HTR1D: variants seen among roughly 807,000 people sequenced by gnomAD.
HTR1D encodes the protein 5-hydroxytryptamine receptor 1D.
HTR1D carries 18 observed loss-of-function variants against 21.1 expected under a neutral mutation model. The ratio of observed to expected loss-of-function variants is 0.85; its 90% CI spans 0.59 to 1.27. The LOEUF is 1.27. Among genes scored for constraint, HTR1D ranks in the 50% most tolerant of loss-of-function variants. HTR1D has a pLI of 0.00. For missense variants in HTR1D, 456 were observed against 481.4 expected (o/e 0.95, Z 0.49); for synonymous variants, 196 against 204.4 (o/e 0.96, Z 0.35).
chr1:23,206,986 C>G (rs962676220), intron 1 of HTR1D, among the ~76,000 whole-genome samples: 1 of 152,176 alleles, frequency 6.6e-6, no homozygotes, highest in Non-Finnish European at 1.5e-5. Flanking sequence ...TCTGTGTGAC[C>G]TAAGATAAGT....
At chr1:23,199,841 G>C (rs994082669) in intron 1 of HTR1D, among the ~76,000 whole-genome samples, 2 of 152,024 alleles carry the variant, frequency 1.3e-5, no homozygotes, top group African/African-American at 2.4e-5. Context: ...GAGTAGCTGG[G>C]ACTACAAGCA....
Position 23,213,589 on chromosome 1 carries a change from T to C in HTR1D, c.-783+3702A>G, listed in dbSNP as rs150519563. Among the ~76,000 whole-genome samples the C allele has an allele frequency of 5.9e-4, 90 of 152,360 alleles. 2 individuals are homozygous for C. The highest frequency in any genetic ancestry group is 2.1e-3 in the African/African-American group (86 of 41,590). ...ACCTTTCACTCCCCTACACATTCTG[T>C]ATTCTCTCCCTTGTCTTCACTAAAC... On this transcript the variant is annotated intron_variant, in intron 1 of 1. Transcript: ENST00000374619.
At position 23,194,075 on chromosome 1, in the gene HTR1D, T is replaced by A. The variant is rs1409731399; in HGVS notation, c.145A>T (p.Thr49Ser). 1 of 1,614,130 alleles carries A rather than the reference T, an allele frequency of 6.2e-7. No individual in the cohort carries two copies. The highest frequency in any genetic ancestry group is 1.1e-5 in the South Asian group (1 of 91,074). The change falls in exon 2 of 2, where the codon ACA becomes TCA. Residue 49 changes from threonine to serine, a missense_variant. By Grantham distance (58) the Thr-to-Ser change is moderately conservative. Coordinates refer to ENST00000374619, the MANE Select transcript of HTR1D (RefSeq NM_000864.5). ...GCATTGGAGAGGACTGTGGCCAGTG[T>A]GATGACGGAAAGGACCACGGCAAGG... ...ISLAVVLSVI[T>S]LATVLSNAFV... is the part of the protein sequence containing the mutation.
intron 1 of HTR1D, among the ~76,000 whole-genome samples, chr1:23,213,448 C>A (rs1418946479): frequency 6.6e-6 from 1 of 151,536 alleles, no homozygotes; most frequent in Non-Finnish European, 1.5e-5. Context: ...CCATTGCACT[C>A]CAGCCTGGGC....
chr1:23,203,483 C>T (rs1644717653), intron 1 of HTR1D, among the ~76,000 whole-genome samples: 1 of 152,030 alleles, frequency 6.6e-6, no homozygotes, highest in Non-Finnish European at 1.5e-5. Context: ...ATAGCGAGAC[C>T]TCATCTCTCC....
At chr1:23,198,069 TAAAAAAA>T in intron 1 of HTR1D, among the ~76,000 whole-genome samples, 1 of 130,256 alleles carries the variant, frequency 7.7e-6, no homozygotes, top group South Asian at 2.5e-4. Flanking sequence ...TCCTGTCTCT[TAAAAAAA>T]AAAAAAAAGT....
At chr1:23,195,815 T>A (rs1644686581) in intron 1 of HTR1D, among the ~76,000 whole-genome samples, 1 of 152,052 alleles carries the variant, frequency 6.6e-6, no homozygotes, top group African/African-American at 2.4e-5. Context: ...AAACCAGTAA[T>A]TTTAAAAATC....
At chr1:23,208,625 CAAAAG>C (rs769493609) in intron 1 of HTR1D, among the ~76,000 whole-genome samples, 40 of 151,158 alleles carry the variant, frequency 2.6e-4, no homozygotes, top group East Asian at 2.0e-3. Flanking sequence ...CATGGTGTCT[CAAAAG>C]AAAAGAAAAG....
At chr1:23,205,067 G>T (rs1442229843) in intron 1 of HTR1D, among the ~76,000 whole-genome samples, 1 of 152,154 alleles carries the variant, frequency 6.6e-6, no homozygotes, top group Non-Finnish European at 1.5e-5. Flanking sequence ...GTCATAAAAA[G>T]GACTGAATTA....
At chr1:23,206,807 C>T (rs1569763830) in intron 1 of HTR1D, among the ~76,000 whole-genome samples, 1 of 152,236 alleles carries the variant, frequency 6.6e-6, no homozygotes, top group East Asian at 1.9e-4. Flanking sequence ...GTAACAGGAG[C>T]TCCTTGAGTG....
At chr1:23,206,266 G>C (rs1200456225) in intron 1 of HTR1D, among the ~76,000 whole-genome samples, 1 of 151,750 alleles carries the variant, frequency 6.6e-6, no homozygotes, top group Non-Finnish European at 1.5e-5. Flanking sequence ...TCCTGACCTC[G>C]TGATCCACCC....
At chr1:23,201,498 C>T (rs1644709016) in intron 1 of HTR1D, among the ~76,000 whole-genome samples, 1 of 152,178 alleles carries the variant, frequency 6.6e-6, no homozygotes, top group African/African-American at 2.4e-5. Flanking sequence ...AGCCAGTTTA[C>T]ACGGACACAG....
chr1:23,207,227 G>A lies in HTR1D; in HGVS notation c.-783+10064C>T, dbSNP rs547287026. On this transcript the variant is annotated intron_variant, in intron 1 of 1. Coordinates refer to ENST00000374619, the MANE Select transcript of HTR1D (RefSeq NM_000864.5). ...CAGCTGGCCAACATGGAGAAACCCC[G>A]TCTCTACTAAAAAAAAATACAAAAA... is the stretch of plus-strand genomic sequence containing the variant. Among the ~76,000 whole-genome samples the A allele has an allele frequency of 7.0e-4, 107 of 152,050 alleles. 1 individual carries two copies. Among genetic ancestry groups the A allele is most frequent in the South Asian group, 1.2e-3 (6 of 4,810 alleles).
At chr1:23,214,920 G>T (rs1352684333) in intron 1 of HTR1D, among the ~76,000 whole-genome samples, 4 of 152,130 alleles carry the variant, frequency 2.6e-5, no homozygotes, top group Non-Finnish European at 5.9e-5. Flanking sequence ...CAATGGGGTG[G>T]GTGAGATCAC....
intron 1 of HTR1D, among the ~76,000 whole-genome samples, chr1:23,208,099 G>A (rs973755861): frequency 9.2e-5 from 14 of 152,020 alleles, no homozygotes; most frequent in African/African-American, 3.4e-4. Flanking sequence ...CACTATATTC[G>A]CCCATGCTGT....
rs1434957666 is a variant in HTR1D at position 23,194,746 on chromosome 1, C to T, written c.-527G>A. ...TGGATTTAGGGTTGCTTCTGAGGAG[C>T]TTTTAAAACTAGACACAAAAAGAAG... On this transcript the variant is annotated 5_prime_UTR_variant, in exon 2 of 2. Coordinates refer to ENST00000374619, the MANE Select transcript of HTR1D (RefSeq NM_000864.5). 2.4e-5 allele frequency: 4 copies of T among 165,828 alleles called. No individual in the cohort carries two copies. The highest frequency in any genetic ancestry group is 1.5e-5 in the Non-Finnish European group (1 of 68,150). 10.3% of individuals were successfully genotyped at this position (165,828 alleles called of 1,614,324 possible).
intron 1 of HTR1D, among the ~76,000 whole-genome samples, chr1:23,206,536 T>C (rs1048594244): frequency 6.6e-6 from 1 of 152,218 alleles, no homozygotes; most frequent in Admixed American, 6.5e-5. Context: ...CTGCCTGTTC[T>C]TCTGCCAGTA....
chr1:23,216,859 C>T (rs61777102), intron 1 of HTR1D, among the ~76,000 whole-genome samples: 50,667 of 151,966 alleles, frequency 0.33, 10,562 homozygotes, highest in East Asian at 0.55. Flanking sequence ...CCCCCTTCAA[C>T]TCTCTCCAGA....
chr1:23,194,329 T>C lies in HTR1D; in HGVS notation c.-110A>G. The C allele has an allele frequency of 1.0e-6, 1 of 961,596 alleles. No homozygotes were observed. Among genetic ancestry groups the C allele is most frequent in the Non-Finnish European group, 1.6e-6 (1 of 627,366 alleles). 59.6% of individuals were successfully genotyped at this position (961,596 alleles called of 1,614,324 possible). A position where few individuals can be genotyped will look rare whatever the true frequency, so the allele number is the denominator to read the frequency against. On this transcript the variant is annotated 5_prime_UTR_variant, in exon 2 of 2. Transcript: ENST00000374619. The stretch of plus-strand genomic sequence containing the variant: ...TTCTGCTTCACACTGGTGGGAGCCG[T>C]ACACCAGAACAGACCACAGTGAAAA...
Sources: gnomAD v4.1 joint callset for allele counts (sites outside exome capture counted in the v4.1 genomes callset) on GRCh38, gnomAD v4.1.1 for gene constraint, MANE v1.5 for transcripts, NCBI Gene and HGNC (gene_info 2026-07-23, HGNC 2026-07-21) for gene names.